ITGB2: variants seen among roughly 807,000 people sequenced by gnomAD.
The protein encoded by ITGB2 is integrin beta-2.
Under a neutral mutation model 86.8 loss-of-function variants are expected in ITGB2, and 56 were observed. That is an observed-to-expected ratio of 0.65 (90% CI 0.52 to 0.81). The LOEUF (loss-of-function observed/expected upper bound fraction) is 0.81. Ranked by LOEUF, ITGB2 falls within the 30% of genes least tolerant of loss-of-function variation. ITGB2 has a pLI of 0.00. For synonymous variants in ITGB2, 457 were observed against 450.4 expected (o/e 1.01, Z -0.19); for missense variants, 948 against 1,061.2 (o/e 0.89, Z 1.48).
In ITGB2 at chr21:44,886,740, T is replaced by C. The variant is rs1254045356; in HGVS notation, c.2243A>G (p.Asn748Ser). ...FEKEKLKSQWNNDNPLFKSAT... is the reference protein window; with the variant it reads ...FEKEKLKSQWSNDNPLFKSAT... ...CCCCCAAGGACGGCCACTTACATTG[T>C]TCCACTGGGACTTGAGCTTCTCCTT... Residue 748 changes from asparagine (N) to serine (S), a missense_variant, in exon 15 of 16, where the codon AAC becomes AGC. Asn to Ser is a conservative substitution (Grantham distance 46). Transcript: ENST00000652462. The C allele has an allele frequency of 6.2e-7, 1 of 1,614,056 alleles. No individual in the cohort carries two copies. Among genetic ancestry groups the C allele is most frequent in the Middle Eastern group, 1.6e-4 (1 of 6,062 alleles).
intron 8 of ITGB2, among the ~76,000 whole-genome samples, chr21:44,896,755 G>A (rs2083876835): frequency 6.6e-6 from 1 of 152,176 alleles, no homozygotes. Context: ...GTCCACACTC[G>A]CTGCCTGTTG....
intron 1 of ITGB2, among the ~76,000 whole-genome samples, chr21:44,917,565 C>T (rs1455757375): frequency 2.9e-4 from 44 of 152,198 alleles, no homozygotes; most frequent in Admixed American, 2.9e-3. Context: ...AGTGGGACCT[C>T]CCTGCTGGCA....
chr21:44,906,060 C>G (rs1459396680), intron 4 of ITGB2, among the ~76,000 whole-genome samples: 1 of 152,064 alleles, frequency 6.6e-6, no homozygotes, highest in Non-Finnish European at 1.5e-5. Flanking sequence ...GTGGCCACAC[C>G]AGGCCTCCTT....
chr21:44,912,226 A>G (rs2084144781), intron 1 of ITGB2, among the ~76,000 whole-genome samples: 1 of 152,154 alleles, frequency 6.6e-6, no homozygotes, highest in African/African-American at 2.4e-5. Context: ...GACCCAAGCC[A>G]GCAGAGCCCC....
chr21:44,906,842 A>G (rs1367827652), intron 4 of ITGB2, 73 bp downstream of exon 4: 3 of 1,525,678 alleles, frequency 2.0e-6, no homozygotes, highest in African/African-American at 1.4e-5. Flanking sequence ...ACCCCAGAGC[A>G]GGGCCGGACT....
In ITGB2 at chr21:44,891,979, C is replaced by T. The variant is rs140244192; in HGVS notation, c.1242G>A (p.Lys414=). 3 of 1,612,660 alleles carry T rather than the reference C, an allele frequency of 1.9e-6. No homozygotes were observed. The African/African-American group carries it at 4.0e-5, about 22-fold the overall frequency. ...QINVPITFQV[K]VTATECIQEQ... is the part of the protein sequence containing the mutation. ...CCTGGATGCACTCTGTGGCCGTGAC[C>T]TTCACCTGGAAGGTGATCTGCAGGG... The change falls in exon 11 of 16, where the codon AAG becomes AAA. Residue 414 remains lysine (K), a synonymous_variant. Transcript: ENST00000652462.
chr21:44,910,696 G>A, intron 2 of ITGB2, 29 bp downstream of exon 2: 13 of 1,610,720 alleles, frequency 8.1e-6, no homozygotes, highest in Non-Finnish European at 1.1e-5. Flanking sequence ...GTCACGCGTG[G>A]AGTCCCCTCC....
chr21:44,902,626 TG>T (rs1169619567), intron 5 of ITGB2, among the ~76,000 whole-genome samples: 14 of 152,138 alleles, frequency 9.2e-5, no homozygotes, highest in African/African-American at 3.1e-4. Flanking sequence ...CATTTGTGCA[TG>T]TGAGGATACA....
At chr21:44,888,998 T>TG in intron 13 of ITGB2, 103 bp from the exon 14 acceptor site, 2 of 810,334 alleles carry the variant, frequency 2.5e-6, no homozygotes, top group East Asian at 3.6e-5. Context: ...CAGGTGGGGT[T>TG]GGGGCGCCCT....
Position 44,901,521 on chromosome 21 carries a change from C to A in ITGB2, c.712G>T (p.Asp238Tyr). Residue 238 changes from aspartate (D) to tyrosine (Y), a missense_variant, in exon 6 of 16, where the codon GAC becomes TAC. Transcript: ENST00000652462. Reference sequence around the variant, plus strand: ...CAGGCGGCGACCTGCATCATGGCGTCCAGCCCACCCTCGGGTGCATCCAGG... The same window carrying A: ...CAGGCGGCGACCTGCATCATGGCGTACAGCCCACCCTCGGGTGCATCCAGG... ...GNLDAPEGGLDAMMQVAACPE... is the reference protein window; with the variant it reads ...GNLDAPEGGLYAMMQVAACPE... 6.2e-7 allele frequency: 1 copy of A among 1,614,240 alleles called. No homozygotes were observed. The highest frequency in any genetic ancestry group is 8.5e-7 in the Non-Finnish European group (1 of 1,180,050).
intron 13 of ITGB2, 70 bp downstream of exon 13, chr21:44,889,206 G>GC (rs961203094): frequency 2.9e-5 from 43 of 1,487,418 alleles, no homozygotes; most frequent in Non-Finnish European, 9.3e-7. Context: ...CCCCGAGTGA[G>GC]CCCGGCTGCT....
intron 1 of ITGB2, among the ~76,000 whole-genome samples, chr21:44,918,548 C>A (rs183412211): frequency 4.6e-5 from 7 of 152,342 alleles, no homozygotes; most frequent in Non-Finnish European, 7.4e-5. Context: ...CACGGGGGAC[C>A]AAATAGCCTG....
Position 44,903,401 on chromosome 21 carries a change from G to T in ITGB2, c.463C>A (p.Arg155=), listed in dbSNP as rs1198434958. ...GACTCGGTGATCTCGTTGAGGGCCCGGAGCAGGTCGCCACCTAGCTTCTTG... is the reference window on the plus strand; with the variant it reads ...GACTCGGTGATCTCGTTGAGGGCCCTGAGCAGGTCGCCACCTAGCTTCTTG... ...NVKKLGGDLL[R]ALNEITESGR... Residue 155 remains arginine, a synonymous_variant, in exon 5 of 16, where the codon CGG becomes AGG. Transcript: ENST00000652462. 6.2e-7 allele frequency: 1 copy of T among 1,613,978 alleles called. No individual in the cohort carries two copies. The highest frequency in any genetic ancestry group is 8.5e-7 in the Non-Finnish European group (1 of 1,179,982).
intron 3 of ITGB2, chr21:44,909,325 A>G (rs1486767948): frequency 1.3e-5 from 2 of 152,384 alleles, no homozygotes; most frequent in Non-Finnish European, 1.5e-5. Context: ...CTGCCAAAGC[A>G]CACCTGAGTC....
chr21:44,886,697 G>A (rs765530454), intron 15 of ITGB2, 39 bp downstream of exon 15: 15 of 1,612,746 alleles, frequency 9.3e-6, no homozygotes, highest in African/African-American at 1.3e-5. Flanking sequence ...TGGGACGCAC[G>A]TGCCCCTCTG....
intron 1 of ITGB2, among the ~76,000 whole-genome samples, chr21:44,920,298 CACACTACACACACG>C (rs1451066156): frequency 6.6e-6 from 1 of 152,018 alleles, no homozygotes; most frequent in Non-Finnish European, 1.5e-5. Context: ...CACACCATGC[CACACTACACACACG>C]ACACTACACA....
chr21:44,912,802 C>CCGGCTT (rs2084153822), intron 1 of ITGB2, among the ~76,000 whole-genome samples: 12 of 109,644 alleles, frequency 1.1e-4, no homozygotes, highest in Admixed American at 5.0e-4. Flanking sequence ...CAGGGTCCAG[C>CCGGCTT]CAGCTTCAGG....
In ITGB2 at chr21:44,896,054, C is replaced by T. The variant is rs12626524; in HGVS notation, c.994-994G>A. Among the ~76,000 whole-genome samples the T allele has an allele frequency of 4.1e-3, 623 of 151,476 alleles. 30 individuals are homozygous for T. The East Asian group carries it at 0.1, about 25-fold the overall frequency. On this transcript the variant is annotated intron_variant, in intron 8 of 15. Transcript: ENST00000652462. ...CCTGCGGTGTGAGTGCTCCCGCCTGCGGTGTGAGTGATCCCGCCTGCAGTG... is the reference window on the plus strand; with the variant it reads ...CCTGCGGTGTGAGTGCTCCCGCCTGTGGTGTGAGTGATCCCGCCTGCAGTG...
chr21:44,900,530 C>G lies in ITGB2; in HGVS notation c.742-55G>C. 3 of 1,606,556 alleles carry G rather than the reference C, an allele frequency of 1.9e-6. No homozygotes were observed. In the East Asian group the frequency reaches 6.7e-5, roughly 36 times the overall value. Reference sequence around the variant, plus strand: ...CCTGCCTCAGTTTCCCAGACCCGGCCCTCTGGAGCAGAGGAGACGATGCAG... The same window carrying G: ...CCTGCCTCAGTTTCCCAGACCCGGCGCTCTGGAGCAGAGGAGACGATGCAG... On this transcript the variant is annotated intron_variant, in intron 6 of 15. Transcript: ENST00000652462.
Sources: allele counts gnomAD v4.1 joint callset (sites outside exome capture counted in the v4.1 genomes callset), GRCh38; gene constraint gnomAD v4.1.1; transcripts MANE v1.5; gene names NCBI Gene and HGNC (gene_info 2026-07-23, HGNC 2026-07-21).